MLLT3: variants seen among roughly 807,000 people sequenced by gnomAD.
MLLT3 encodes MLLT3 super elongation complex subunit, also known as protein AF-9.
A neutral mutation model predicts 53.2 loss-of-function variants in MLLT3; 4 were observed. The observed-to-expected ratio is 0.08, with a 90% confidence interval of 0.04 to 0.17. The LOEUF (loss-of-function observed/expected upper bound fraction) is 0.17, where lower values mean the gene tolerates loss of function less well. Ranked by LOEUF, MLLT3 falls within the 10% of genes least tolerant of loss-of-function variation. The pLI is 1.00. For synonymous variants in MLLT3, 283 were observed against 230.6 expected (o/e 1.23, Z -2.06); for missense variants, 569 against 684.0 (o/e 0.83, Z 1.87).
intron 2 of MLLT3, among the ~76,000 whole-genome samples, chr9:20,564,407 AT>A (rs1819295899): frequency 6.6e-6 from 1 of 152,186 alleles, no homozygotes; most frequent in African/African-American, 2.4e-5. Flanking sequence ...ATCTCTGGAA[AT>A]AAATGACTCC....
At chr9:20,494,894 G>A (rs901765840) in intron 2 of MLLT3, among the ~76,000 whole-genome samples, 2 of 152,126 alleles carry the variant, frequency 1.3e-5, no homozygotes, top group Admixed American at 6.6e-5. Flanking sequence ...CAAGGGAAAG[G>A]AGTAAGCCCA....
chr9:20,440,539 C>A (rs1482512081), intron 4 of MLLT3, among the ~76,000 whole-genome samples: 2 of 152,090 alleles, frequency 1.3e-5, no homozygotes, highest in Non-Finnish European at 2.9e-5. Flanking sequence ...GTATGAAACT[C>A]AAAAATATCT....
chr9:20,542,744 C>T (rs1332400114), intron 2 of MLLT3, among the ~76,000 whole-genome samples: 1 of 152,142 alleles, frequency 6.6e-6, no homozygotes, highest in Non-Finnish European at 1.5e-5. Flanking sequence ...TGGCCCTTAA[C>T]AAGAAAGCCA....
Position 20,363,543 on chromosome 9 carries a change from C to T in MLLT3, c.1264G>A (p.Val422Met), listed in dbSNP as rs1456112453. The stretch of plus-strand genomic sequence containing the variant: ...TCAGAGTCATTGTCGTTATCCTCCA[C>T]TTCATCTGATTCCTCCTCATTGTCA... Reference protein sequence around the residue: ...SDDNEEESDEVEDNDNDSEME... With the variant: ...SDDNEEESDEMEDNDNDSEME... The change falls in exon 7 of 11, where the codon GTG becomes ATG. Residue 422 changes from valine (V) to methionine (M), a missense_variant. By Grantham distance (21) the Val-to-Met change is conservative. This residue lies in a region of MLLT3 where 437 missense variants were observed against 376.5 expected (regional missense o/e 1.16). Transcript: ENST00000380338. The T allele has an allele frequency of 3.1e-6, 5 of 1,614,118 alleles. No homozygotes were observed. Among genetic ancestry groups the T allele is most frequent in the Non-Finnish European group, 4.2e-6 (5 of 1,179,986 alleles).
chr9:20,612,556 G>C (rs575034146), intron 2 of MLLT3, among the ~76,000 whole-genome samples: 81 of 151,754 alleles, frequency 5.3e-4, no homozygotes, highest in African/African-American at 1.9e-3. Context: ...AAAAAAATGA[G>C]GCAAGATATT....
At position 20,413,731 on chromosome 9, in the gene MLLT3, G is replaced by A. The variant is rs144467222; in HGVS notation, c.1115C>T (p.Ser372Phe). 4 of 1,595,030 alleles carry A rather than the reference G, an allele frequency of 2.5e-6. No homozygotes were observed. The highest frequency in any genetic ancestry group is 2.7e-5 in the African/African-American group (2 of 73,822). Residue 372 changes from serine to phenylalanine, a missense_variant, in exon 5 of 11, where the codon TCT (serine) becomes TTT (phenylalanine). Coordinates refer to ENST00000380338, the MANE Select transcript of MLLT3 (RefSeq NM_004529.4). Reference sequence around the variant, plus strand: ...GTAAGAACTACTCACATCAGATTTAGAGGATATATTCTCCTCCACATCTGA... The same window carrying A: ...GTAAGAACTACTCACATCAGATTTAAAGGATATATTCTCCTCCACATCTGA... ...NDSDVEENIS[S>F]KSDSEQPSPA...
chr9:20,513,200 C>T (rs1817804146), intron 2 of MLLT3, among the ~76,000 whole-genome samples: 1 of 152,162 alleles, frequency 6.6e-6, no homozygotes, highest in African/African-American at 2.4e-5. Context: ...GACCAGGTGT[C>T]CCTCTCACAG....
At chr9:20,401,071 G>T (rs1822442511) in intron 5 of MLLT3, among the ~76,000 whole-genome samples, 1 of 152,030 alleles carries the variant, frequency 6.6e-6, no homozygotes, top group Non-Finnish European at 1.5e-5. Flanking sequence ...AAAAGGGAGA[G>T]TCACAGACAT....
At chr9:20,592,533 A>G (rs916658666) in intron 2 of MLLT3, among the ~76,000 whole-genome samples, 1 of 152,156 alleles carries the variant, frequency 6.6e-6, no homozygotes, top group South Asian at 2.1e-4. Flanking sequence ...TCCTACCCCA[A>G]TGACCTCATT....
At chr9:20,584,648 G>A (rs1314686635) in intron 2 of MLLT3, among the ~76,000 whole-genome samples, 2 of 152,252 alleles carry the variant, frequency 1.3e-5, no homozygotes, top group East Asian at 1.9e-4. Flanking sequence ...AAACCCATCA[G>A]ATCTCACGAG....
intron 2 of MLLT3, among the ~76,000 whole-genome samples, chr9:20,602,710 T>C (rs745465348): frequency 6.6e-6 from 1 of 151,690 alleles, no homozygotes; most frequent in Non-Finnish European, 1.5e-5. Context: ...GTAACATGAT[T>C]ATCAAATCTC....
intron 2 of MLLT3, among the ~76,000 whole-genome samples, chr9:20,464,728 G>C (rs1824193025): frequency 6.6e-6 from 1 of 152,068 alleles, no homozygotes; most frequent in African/African-American, 2.4e-5. Flanking sequence ...TACAGAGGAA[G>C]ATGTGCAAAC....
intron 2 of MLLT3, among the ~76,000 whole-genome samples, chr9:20,605,258 C>T (rs747582393): frequency 1.3e-5 from 2 of 152,064 alleles, no homozygotes; most frequent in Non-Finnish European, 2.9e-5. Context: ...CCAAAAATAG[C>T]TCTCTCATTA....
intron 2 of MLLT3, among the ~76,000 whole-genome samples, chr9:20,525,936 A>C (rs1345718523): frequency 6.6e-6 from 1 of 152,230 alleles, no homozygotes; most frequent in Non-Finnish European, 1.5e-5. Flanking sequence ...CCAAAAAAGC[A>C]ATACATTTTA....
chr9:20,350,594 C>A (rs1354818133), intron 10 of MLLT3, among the ~76,000 whole-genome samples: 65 of 123,948 alleles, frequency 5.2e-4, no homozygotes, highest in East Asian at 2.4e-3. Flanking sequence ...GACTCCGTCT[C>A]AAAAAAAGAA....
chr9:20,401,852 T>G (rs1290275304), intron 5 of MLLT3, among the ~76,000 whole-genome samples: 1 of 152,178 alleles, frequency 6.6e-6, no homozygotes. Flanking sequence ...TAATGGATAT[T>G]GAATAGATAA....
Position 20,346,380 on chromosome 9 carries a change from A to AG in MLLT3, c.*62_*63insC. The AG allele has an allele frequency of 1.8e-6, 1 of 544,422 alleles. No individual in the cohort carries two copies. Among genetic ancestry groups the AG allele is most frequent in the South Asian group, 4.3e-5 (1 of 23,116 alleles). The allele number at this position is 544,422 out of a possible 1,614,324, so 33.7% of individuals were successfully genotyped here. A position where few individuals can be genotyped will look rare whatever the true frequency, so the allele number is the denominator to read the frequency against. On this transcript the variant is annotated 3_prime_UTR_variant, in exon 11 of 11. Transcript: ENST00000380338. ...ACAACAAGAACAAAAAATCACAACC[A>AG]AAAAAAAAAAAAACCAAAAAAAAAA...
chr9:20,461,682 A>G (rs1824111062), intron 2 of MLLT3, among the ~76,000 whole-genome samples: 1 of 152,138 alleles, frequency 6.6e-6, no homozygotes, highest in Non-Finnish European at 1.5e-5. Context: ...TAAACTTTAG[A>G]AGTATTATTA....
chr9:20,545,500 A>C (rs1476447291), intron 2 of MLLT3, among the ~76,000 whole-genome samples: 1 of 152,196 alleles, frequency 6.6e-6, no homozygotes, highest in Non-Finnish European at 1.5e-5. Flanking sequence ...AGCAACATGC[A>C]TGTGGTTGGC....
Sources: gnomAD v4.1 joint callset for allele counts (sites outside exome capture counted in the v4.1 genomes callset) on GRCh38, gnomAD v4.1.1 for gene constraint, gnomAD v4.1.1 regional missense constraint, MANE v1.5 for transcripts, NCBI Gene and HGNC (gene_info 2026-07-23, HGNC 2026-07-21) for gene names.